Variants in NPEPPS observed in about 807,000 individuals in gnomAD.
NPEPPS encodes aminopeptidase puromycin sensitive, also known as puromycin-sensitive aminopeptidase.
In NPEPPS, 14 loss-of-function variants were observed where a neutral mutation model predicts 115.5. The observed-to-expected ratio is 0.12, with a 90% CI of 0.08 to 0.19. The LOEUF (loss-of-function observed/expected upper bound fraction) is 0.19. Among genes scored for constraint, NPEPPS ranks in the 10% least tolerant of loss-of-function variants. NPEPPS has a pLI of 1.00. For synonymous variants in NPEPPS, 285 were observed against 390.6 expected (o/e 0.73, Z 3.19); for missense variants, 523 against 1,110.8 (o/e 0.47, Z 7.52).
At chr17:47,605,860 TG>T in intron 17 of NPEPPS, among the ~76,000 whole-genome samples, 1 of 152,294 alleles carries the variant, frequency 6.6e-6, no homozygotes. Flanking sequence ...TAGGTTGTTT[TG>T]TTTTATTTAT....
intron 2 of NPEPPS, among the ~76,000 whole-genome samples, chr17:47,563,634 G>A (rs1334886714): frequency 2.0e-5 from 3 of 151,654 alleles, no homozygotes; most frequent in Admixed American, 1.3e-4. Context: ...GCAGTGGCAC[G>A]ATCTCGGCTC....
intron 1 of NPEPPS, among the ~76,000 whole-genome samples, chr17:47,535,233 ACT>A (rs373202819): frequency 9.2e-5 from 8 of 87,168 alleles, no homozygotes; most frequent in East Asian, 7.2e-4. Context: ...ACAGAGCAAG[ACT>A]CTGTCTCAAA....
chr17:47,612,907 C>T (rs911639387), intron 18 of NPEPPS, among the ~76,000 whole-genome samples: 11 of 152,296 alleles, frequency 7.2e-5, no homozygotes, highest in Admixed American at 5.9e-4. Context: ...AGGTAATCCA[C>T]CTGCCTTGGC....
In NPEPPS at chr17:47,621,805, G is replaced by GT; in HGVS notation, c.2646dup (p.Thr883TyrfsTer7). ...AGTCACCCAGCTCCTTCAGCTGAGC[G>GT]TACCATCCAGCAGTGTTGTGAAAAT... is the stretch of plus-strand genomic sequence containing the variant. On this transcript the variant is annotated frameshift_variant, in exon 23 of 23. Transcript: ENST00000322157. LOFTEE classifies it high-confidence loss of function. The GT allele has an allele frequency of 6.2e-7, 1 of 1,613,048 alleles. No homozygotes were observed. Among genetic ancestry groups the GT allele is most frequent in the Non-Finnish European group, 8.5e-7 (1 of 1,179,158 alleles).
intron 19 of NPEPPS, among the ~76,000 whole-genome samples, chr17:47,614,309 A>T (rs766966768): frequency 6.6e-6 from 1 of 152,168 alleles, no homozygotes; most frequent in African/African-American, 2.4e-5. Flanking sequence ...TTGATTAACA[A>T]GTCACTTTCT....
chr17:47,615,266 C>T (rs372509060), intron 19 of NPEPPS, among the ~76,000 whole-genome samples: 1 of 152,054 alleles, frequency 6.6e-6, no homozygotes, highest in African/African-American at 2.4e-5. Flanking sequence ...TCAGTAGAGA[C>T]GGGGTTTTAC....
chr17:47,571,986 A>T (rs912073709), intron 3 of NPEPPS, among the ~76,000 whole-genome samples: 6 of 151,918 alleles, frequency 3.9e-5, no homozygotes, highest in Non-Finnish European at 5.9e-5. Flanking sequence ...CATATCACCA[A>T]CTCTACTGGC....
At chr17:47,538,134 C>T (rs1455916059) in intron 1 of NPEPPS, among the ~76,000 whole-genome samples, 1 of 150,282 alleles carries the variant, frequency 6.7e-6, no homozygotes, top group Admixed American at 6.7e-5. Context: ...CTCAGGTGAT[C>T]TGCCTGCCTC....
rs1914109850 is a variant in NPEPPS, at chr17:47,615,069, CTTTCTT to C, written c.2295+1348_2295+1353del. 3.3e-5 allele frequency among the ~76,000 whole-genome samples: 4 copies of C among 119,708 alleles called. No homozygotes were observed. The South Asian group carries it at 1.2e-3, about 36-fold the overall frequency. The allele number at this position is 119,708 out of a possible 152,430, so 78.5% of individuals were successfully genotyped here. ...ACCCATGTTGTAATAGGTTTACTTT[CTTTCTT>C]TTTTTTTTTTTTTTTTTTTTTGAGA... On this transcript the variant is annotated intron_variant, in intron 19 of 22. Coordinates refer to ENST00000322157, the MANE Select transcript of NPEPPS (RefSeq NM_006310.4).
intron 2 of NPEPPS, among the ~76,000 whole-genome samples, chr17:47,546,548 A>AT (rs930340053): frequency 5.9e-5 from 9 of 151,764 alleles, no homozygotes; most frequent in Non-Finnish European, 8.8e-5. Flanking sequence ...TTTTATTTTT[A>AT]TTTTTTTTGA....
At chr17:47,617,389 G>T (rs1182478936) in intron 19 of NPEPPS, among the ~76,000 whole-genome samples, 1 of 151,702 alleles carries the variant, frequency 6.6e-6, no homozygotes, top group African/African-American at 2.4e-5. Context: ...ACACAGTCTT[G>T]CTCTGTTGTC....
rs775135339 is a variant in NPEPPS, at chr17:47,619,121, A to G, written c.2516A>G (p.Tyr839Cys). The G allele has an allele frequency of 1.2e-6, 2 of 1,613,978 alleles. No individual in the cohort carries two copies. Among genetic ancestry groups the G allele is most frequent in the Admixed American group, 1.7e-5 (1 of 60,014 alleles). Residue 839 changes from tyrosine (Y) to cysteine (C), a missense_variant, in exon 21 of 23, where the codon TAT (tyrosine) becomes TGT (cysteine). Physicochemically the swap from Tyr to Cys is radical, Grantham distance 194 (BLOSUM62 -2). Around this residue, in one of 4 missense-constraint regions of NPEPPS, gnomAD observed 372 missense variants for 542.6 expected, o/e 0.69. Coordinates refer to ENST00000322157, the MANE Select transcript of NPEPPS (RefSeq NM_006310.4). The stretch of plus-strand genomic sequence containing the variant: ...ATAAAGGACAACTGGGAAGAACTTT[A>G]TAACCGATACCAGGGAGGATTCTTA... Reference protein sequence around the residue: ...KFIKDNWEELYNRYQGGFLIS... With the variant: ...KFIKDNWEELCNRYQGGFLIS...
chr17:47,537,467 G>A (rs1287370030), intron 1 of NPEPPS, among the ~76,000 whole-genome samples: 1 of 152,160 alleles, frequency 6.6e-6, no homozygotes. Context: ...GCTGAGGTGG[G>A]TGGATCATGA....
intron 17 of NPEPPS, among the ~76,000 whole-genome samples, chr17:47,609,184 A>G (rs1913696929): frequency 6.6e-6 from 1 of 152,148 alleles, no homozygotes; most frequent in African/African-American, 2.4e-5. Flanking sequence ...TTTGTGAGAG[A>G]GAGGGCTTAT....
At chr17:47,613,114 G>T (rs1256495400) in intron 18 of NPEPPS, among the ~76,000 whole-genome samples, 1 of 152,116 alleles carries the variant, frequency 6.6e-6, no homozygotes, top group African/African-American at 2.4e-5. Context: ...CAGTGTTGCA[G>T]TGCTGAAAGG....
intron 3 of NPEPPS, among the ~76,000 whole-genome samples, chr17:47,578,735 T>A (rs1474347493): frequency 1.3e-5 from 2 of 151,972 alleles, no homozygotes; most frequent in Non-Finnish European, 2.9e-5. Flanking sequence ...CTGTTGCTGA[T>A]CAAATCATTG....
chr17:47,529,386 C>G (rs1362062170), upstream of NPEPPS, among the ~76,000 whole-genome samples: 1 of 150,040 alleles, frequency 6.7e-6, no homozygotes, highest in East Asian at 2.0e-4. Flanking sequence ...CATAGGCACA[C>G]GTCACCACAC....
chr17:47,568,567 C>G (rs1026093440), intron 2 of NPEPPS, among the ~76,000 whole-genome samples: 12 of 134,788 alleles, frequency 8.9e-5, no homozygotes, highest in Non-Finnish European at 1.5e-4. Context: ...CCTAAAGTAT[C>G]AGTCAAATAA....
chr17:47,527,497 A>G (rs1355982832), upstream of NPEPPS, among the ~76,000 whole-genome samples: 1 of 152,000 alleles, frequency 6.6e-6, no homozygotes, highest in African/African-American at 2.4e-5. Flanking sequence ...AAAAAACCCA[A>G]AACAAAAGAA....
Sources: allele counts gnomAD v4.1 joint callset (sites outside exome capture counted in the v4.1 genomes callset), GRCh38; gene constraint gnomAD v4.1.1; regional missense constraint gnomAD v4.1.1; transcripts MANE v1.5; gene names NCBI Gene and HGNC (gene_info 2026-07-23, HGNC 2026-07-21).